The following PCDHA4 variants were observed in gnomAD, a reference collection of about 807,000 sequenced individuals.
PCDHA4 encodes the protein protocadherin alpha 4.
PCDHA4 carries 49 observed loss-of-function variants against 61.4 expected under a neutral mutation model. That is an observed-to-expected ratio of 0.80 (90% CI 0.63 to 1.01). The LOEUF is 1.01. PCDHA4 is among the 50% of genes least tolerant of loss of function. PCDHA4 has a pLI of 0.00. For synonymous variants in PCDHA4, 590 were observed against 550.3 expected, an observed-to-expected ratio of 1.07 and a Z score of -1.01; for missense variants, 1,254 against 1,235.8, an observed-to-expected ratio of 1.01 and a Z score of -0.22.
chr5:140,850,585 A>T lies in PCDHA4; in HGVS notation c.2385+41013A>T. 6.3e-6 allele frequency: 10 copies of T among 1,598,426 alleles called. 3 individuals carry two copies. Among genetic ancestry groups the T allele is most frequent in the African/African-American group, 1.3e-5 (1 of 74,476 alleles). On this transcript the variant is annotated intron_variant, in intron 1 of 3. Transcript: ENST00000530339. ...CCCGAGGTGACGCTGGTGGATGTCA[A>T]CGTGTACCTGATCATCGCCATCTGC... is the stretch of plus-strand genomic sequence containing the variant.
intron 1 of PCDHA4, among the ~76,000 whole-genome samples, chr5:140,972,762 A>G (rs1048509158): frequency 4.7e-5 from 7 of 150,026 alleles, no homozygotes; most frequent in African/African-American, 1.7e-4. Context: ...CTCCCAAGTT[A>G]AAGTGATTCT....
rs782810123 is a variant in PCDHA4, at chr5:140,876,271, T to C, written c.2385+66699T>C. 1.9e-6 allele frequency: 3 copies of C among 1,613,926 alleles called. No individual in the cohort carries two copies. In the African/African-American group the frequency reaches 4.0e-5, roughly 22 times the overall value. On this transcript the variant is annotated intron_variant, in intron 1 of 3. Coordinates refer to ENST00000530339, the MANE Select transcript of PCDHA4 (RefSeq NM_018907.4). ...CACAAGAGTGATCCAACTAAATGCTTCCGATCCAGACGAAGGACTTAATGG... is the reference window on the plus strand; with the variant it reads ...CACAAGAGTGATCCAACTAAATGCTCCCGATCCAGACGAAGGACTTAATGG...
At chr5:140,843,219 C>T (rs1554139873) in intron 1 of PCDHA4, 1 of 1,596,090 alleles carries the variant, frequency 6.3e-7, no homozygotes, top group East Asian at 2.2e-5. Context: ...GAGATCAGCA[C>T]CACTCGTGTC....
intron 1 of PCDHA4, among the ~76,000 whole-genome samples, chr5:140,919,230 A>G (rs56002): frequency 0.32 from 48,085 of 151,928 alleles, 7,955 homozygotes; most frequent in East Asian, 0.53. Flanking sequence ...TTCTAGTAAC[A>G]CTTTTTGTCT....
chr5:140,862,911 G>A (rs781861917), intron 1 of PCDHA4: 3 of 549,326 alleles, frequency 5.5e-6, no homozygotes, highest in Admixed American at 3.9e-5. Context: ...CGCTGCTGGC[G>A]CCTTGGGTGG....
At chr5:140,986,532 C>G (rs1298199477) in intron 3 of PCDHA4, among the ~76,000 whole-genome samples, 2 of 152,184 alleles carry the variant, frequency 1.3e-5, no homozygotes, top group Non-Finnish European at 2.9e-5. Context: ...GGGAACTGGC[C>G]TGGCTTCAGT....
At chr5:140,818,484 A>T (rs1766371923) in intron 1 of PCDHA4, among the ~76,000 whole-genome samples, 1 of 152,164 alleles carries the variant, frequency 6.6e-6, no homozygotes, top group Non-Finnish European at 1.5e-5. Context: ...GTTTTCACTC[A>T]CTTGATCTTG....
rs2150445879 is a variant in PCDHA4 at position 140,849,707 on chromosome 5, C to G, written c.2385+40135C>G. Reference sequence around the variant, plus strand: ...AGCTGGTGTCCACCTACAAGAATTACTACTCGTTGGTGCTGGACAGAGCTC... The same window carrying G: ...AGCTGGTGTCCACCTACAAGAATTAGTACTCGTTGGTGCTGGACAGAGCTC... On this transcript the variant is annotated intron_variant, in intron 1 of 3. Coordinates refer to ENST00000530339, the MANE Select transcript of PCDHA4 (RefSeq NM_018907.4). The G allele has an allele frequency of 3.1e-6, 5 of 1,598,540 alleles. No homozygotes were observed. The South Asian group carries it at 3.3e-5, about 11-fold the overall frequency.
At chr5:140,927,436 T>A (rs776039540) in intron 1 of PCDHA4, 1 of 1,614,132 alleles carries the variant, frequency 6.2e-7, no homozygotes, top group Non-Finnish European at 8.5e-7. Context: ...CGGCAGCGAA[T>A]ACCCGGAGTT....
intron 1 of PCDHA4, chr5:140,883,566 C>A: frequency 1.2e-5 from 19 of 1,614,176 alleles, no homozygotes; most frequent in Non-Finnish European, 1.5e-5. Flanking sequence ...GGGGGCTCGC[C>A]TTCGCTGTGG....
At chr5:140,927,400 C>G (rs782428365) in intron 1 of PCDHA4, 11 of 1,614,126 alleles carry the variant, frequency 6.8e-6, no homozygotes, top group Non-Finnish European at 8.5e-6. Flanking sequence ...TCAGCACTTT[C>G]GCCTGGACAT....
chr5:140,943,605 CTT>C (rs1232110768), intron 1 of PCDHA4, among the ~76,000 whole-genome samples: 5 of 152,064 alleles, frequency 3.3e-5, no homozygotes, highest in African/African-American at 1.2e-4. Context: ...TAAATATAGA[CTT>C]TGATTCATCT....
intron 1 of PCDHA4, among the ~76,000 whole-genome samples, chr5:140,955,517 C>T (rs1554221970): frequency 6.6e-6 from 1 of 152,154 alleles, no homozygotes; most frequent in African/African-American, 2.4e-5. Flanking sequence ...TGTTTGCTTT[C>T]CCTTCCACCA....
chr5:140,859,512 T>A, intron 1 of PCDHA4: 1 of 196,766 alleles, frequency 5.1e-6, no homozygotes, highest in South Asian at 1.4e-4. Context: ...TACCCATGAT[T>A]TCATTTTTAA....
chr5:140,887,632 G>T (rs1554183131), intron 1 of PCDHA4, among the ~76,000 whole-genome samples: 1 of 151,834 alleles, frequency 6.6e-6, no homozygotes, highest in Admixed American at 6.6e-5. Context: ...ATGTTAGTCT[G>T]TTGGGGTTTG....
At chr5:140,828,179 C>G (rs1377583653) in intron 1 of PCDHA4, 3 of 1,614,168 alleles carry the variant, frequency 1.9e-6, no homozygotes, top group Non-Finnish European at 2.5e-6. Context: ...GGGGAGCGGC[C>G]AGCTCCACTA....
At chr5:140,952,750 A>T (rs1240610789) in intron 1 of PCDHA4, among the ~76,000 whole-genome samples, 2 of 152,326 alleles carry the variant, frequency 1.3e-5, no homozygotes, top group Non-Finnish European at 2.9e-5. Context: ...CTGCTATAAA[A>T]ACACCTGAGA....
At chr5:140,818,013 C>T (rs2150099839) in intron 1 of PCDHA4, among the ~76,000 whole-genome samples, 37 of 152,152 alleles carry the variant, frequency 2.4e-4, no homozygotes, top group African/African-American at 8.4e-4. Flanking sequence ...TCACTTTTAA[C>T]AGCTTTACTA....
chr5:140,841,433 G>C, intron 1 of PCDHA4: 1 of 1,612,986 alleles, frequency 6.2e-7, no homozygotes, highest in Non-Finnish European at 8.5e-7. Flanking sequence ...CGTCCCCGAG[G>C]AGGCCAAACA....
Sources: gnomAD v4.1 joint callset for allele counts (sites outside exome capture counted in the v4.1 genomes callset) on GRCh38, gnomAD v4.1.1 for gene constraint, MANE v1.5 for transcripts, NCBI Gene and HGNC (gene_info 2026-07-23, HGNC 2026-07-21) for gene names.